Variants in DNAH11 observed in about 807,000 individuals in gnomAD.
The protein encoded by DNAH11 is axonemal beta dynein heavy chain 11.
A neutral mutation model predicts 526.0 loss-of-function variants in DNAH11; 442 were observed. That is an observed-to-expected ratio of 0.84 (90% CI 0.78 to 0.91). The LOEUF (loss-of-function observed/expected upper bound fraction) is 0.91, where lower values mean the gene tolerates loss of function less well. DNAH11 is among the 40% of genes least tolerant of loss of function. The pLI is 0.00. For synonymous variants in DNAH11, 2,461 were observed against 1,935.9 expected (o/e 1.27, Z -7.12); for missense variants, 6,989 against 5,448.7 (o/e 1.28, Z -8.90).
At chr7:21,706,964 C>G (rs962387852) in intron 39 of DNAH11, among the ~76,000 whole-genome samples, 1 of 152,180 alleles carries the variant, frequency 6.6e-6, no homozygotes, top group Non-Finnish European at 1.5e-5. Flanking sequence ...AAGGCTTTTC[C>G]TCAATTACCA....
At chr7:21,559,090 G>A in intron 3 of DNAH11, 92 bp downstream of exon 3, 2 of 1,098,182 alleles carry the variant, frequency 1.8e-6, no homozygotes, top group Non-Finnish European at 1.3e-6. Flanking sequence ...TTTGGAGGCT[G>A]AGGTGGGAGG....
chr7:21,740,983 TG>T (rs1389298657), intron 48 of DNAH11, among the ~76,000 whole-genome samples: 3 of 152,220 alleles, frequency 2.0e-5, no homozygotes, highest in Non-Finnish European at 4.4e-5. Flanking sequence ...TGATTAGTGA[TG>T]TTTTTTATGT....
chr7:21,894,631 T>C lies in DNAH11; in HGVS notation c.12759T>C (p.Asn4253=), dbSNP rs1468820736. 6.2e-7 allele frequency: 1 copy of C among 1,613,308 alleles called. No homozygotes were observed. The highest frequency in any genetic ancestry group is 1.1e-5 in the South Asian group (1 of 90,774). The change falls in exon 78 of 82, where the codon AAT becomes AAC. Residue 4253 remains asparagine (N), a synonymous_variant. Coordinates refer to ENST00000409508, the MANE Select transcript of DNAH11 (RefSeq NM_001277115.2). ...TGTGTTACTGATTTAAGGTTAAGAA[T>C]GTCTTGGATGACATTTTGGAGAAAC... ...LGQSTEEKVK[N]VLDDILEKLP...
chr7:21,565,045 GTTC>G (rs1487259705), intron 6 of DNAH11, among the ~76,000 whole-genome samples: 1 of 152,142 alleles, frequency 6.6e-6, no homozygotes, highest in Non-Finnish European at 1.5e-5. Flanking sequence ...TAATCCAGTG[GTTC>G]TTATTTGGAA....
At chr7:21,656,703 A>G (rs1174147166) in intron 29 of DNAH11, among the ~76,000 whole-genome samples, 1 of 152,138 alleles carries the variant, frequency 6.6e-6, no homozygotes, top group African/African-American at 2.4e-5. Context: ...GTGGAGAACC[A>G]TTTGGGTTGG....
At chr7:21,803,098 A>G (rs1789068727) in intron 62 of DNAH11, among the ~76,000 whole-genome samples, 1 of 152,132 alleles carries the variant, frequency 6.6e-6, no homozygotes, top group Non-Finnish European at 1.5e-5. Flanking sequence ...TATATATCTA[A>G]AAAGTAATAA....
chr7:21,848,859 C>G, intron 66 of DNAH11, among the ~76,000 whole-genome samples: 1 of 152,066 alleles, frequency 6.6e-6, no homozygotes, highest in African/African-American at 2.4e-5. Flanking sequence ...TTGCAATATA[C>G]ATTTACAACT....
intron 40 of DNAH11, among the ~76,000 whole-genome samples, chr7:21,709,003 T>G (rs566588427): frequency 1.0e-3 from 153 of 152,336 alleles, no homozygotes; most frequent in African/African-American, 3.3e-3. Context: ...TTAGTCACTA[T>G]GGAAATTAGT....
Position 21,894,753 on chromosome 7 carries a change from T to C in DNAH11, c.12881T>C (p.Ile4294Thr). 1 of 1,612,498 alleles carries C rather than the reference T, an allele frequency of 6.2e-7. No individual in the cohort carries two copies. Among genetic ancestry groups the C allele is most frequent in the Non-Finnish European group, 8.5e-7 (1 of 1,179,484 alleles). Reference sequence around the variant, plus strand: ...TTCCAAGAATGTGAGAGGATGAATATTCTCATTCGGGAAATACGTATATCA... The same window carrying C: ...TTCCAAGAATGTGAGAGGATGAATACTCTCATTCGGGAAATACGTATATCA... ...VCFQECERMN[I>T]LIREIRISLE... Residue 4294 changes from isoleucine (I) to threonine (T), a missense_variant, in exon 78 of 82, where the codon ATT (isoleucine) becomes ACT (threonine). Coordinates refer to ENST00000409508, the MANE Select transcript of DNAH11 (RefSeq NM_001277115.2).
chr7:21,763,128 G>T (rs887229488), intron 54 of DNAH11, among the ~76,000 whole-genome samples: 1 of 151,976 alleles, frequency 6.6e-6, no homozygotes, highest in Admixed American at 6.6e-5. Flanking sequence ...TGGATCACGA[G>T]GTCAGGAGTT....
intron 46 of DNAH11, among the ~76,000 whole-genome samples, chr7:21,737,687 A>G (rs905494195): frequency 2.0e-5 from 3 of 152,236 alleles, no homozygotes; most frequent in Non-Finnish European, 2.9e-5. Flanking sequence ...TTGGACAAAC[A>G]TGGGACCAGG....
intron 44 of DNAH11, among the ~76,000 whole-genome samples, chr7:21,724,987 C>A (rs62445304): frequency 8.8e-6 from 1 of 113,570 alleles, no homozygotes; most frequent in Non-Finnish European, 1.9e-5. Flanking sequence ...CATCACTGGG[C>A]CAGGTCATCC....
In DNAH11 at chr7:21,802,634, T is replaced by C. The variant is rs377578666; in HGVS notation, c.10165+1359T>C. ...ATATAATGTTAATAGCATTCATCTA[T>C]AAAAATGAATACTGAGTCATGCTAC... On this transcript the variant is annotated intron_variant, in intron 62 of 81. Coordinates refer to ENST00000409508, the MANE Select transcript of DNAH11 (RefSeq NM_001277115.2). Among the ~76,000 whole-genome samples the C allele has an allele frequency of 1.1e-4, 17 of 152,250 alleles. No individual in the cohort carries two copies. In the South Asian group the frequency reaches 3.3e-3, roughly 30 times the overall value.
intron 76 of DNAH11, 71 bp downstream of exon 76, chr7:21,884,481 CTAAT>C: frequency 1.4e-6 from 2 of 1,421,152 alleles, no homozygotes; most frequent in Non-Finnish European, 9.5e-7. Flanking sequence ...ATTTTATAAA[CTAAT>C]TATACTATGG....
intron 55 of DNAH11, among the ~76,000 whole-genome samples, chr7:21,772,332 G>GCT (rs1787472793): frequency 1.4e-5 from 2 of 140,304 alleles, no homozygotes; most frequent in Admixed American, 7.3e-5. Flanking sequence ...AGGCCAGAGT[G>GCT]TTTTTTTTTT....
intron 30 of DNAH11, among the ~76,000 whole-genome samples, chr7:21,675,119 G>C (rs1782819380): frequency 6.6e-6 from 1 of 152,152 alleles, no homozygotes; most frequent in Admixed American, 6.5e-5. Flanking sequence ...AGTATAGCCA[G>C]AGAAATAATT....
At chr7:21,588,018 TAAA>T in intron 9 of DNAH11, 43 bp from the exon 10 acceptor site, 1 of 1,589,718 alleles carries the variant, frequency 6.3e-7, no homozygotes. Flanking sequence ...GAGTATTTGT[TAAA>T]AACTCATAGT....
intron 25 of DNAH11, among the ~76,000 whole-genome samples, chr7:21,630,230 G>T (rs1315483307): frequency 3.3e-5 from 5 of 151,100 alleles, no homozygotes; most frequent in Non-Finnish European, 5.9e-5. Context: ...CCCACATTTT[G>T]AGCTTTAGTT....
chr7:21,599,756 T>C, intron 14 of DNAH11, 31 bp from the exon 15 acceptor site: 1 of 1,431,054 alleles, frequency 7.0e-7, no homozygotes, highest in Non-Finnish European at 9.3e-7. Flanking sequence ...TATTTGTTTA[T>C]ATTCATCCAC....
Sources: gnomAD v4.1 joint callset for allele counts (sites outside exome capture counted in the v4.1 genomes callset) on GRCh38, gnomAD v4.1.1 for gene constraint, MANE v1.5 for transcripts, NCBI Gene and HGNC (gene_info 2026-07-23, HGNC 2026-07-21) for gene names.